Variants in RMST observed in about 807,000 individuals in gnomAD.
The protein encoded by RMST is long intergenic non-protein coding RNA 54.
chr12:97,496,241 T>C (rs368199143), intron 10 of RMST, among the ~76,000 whole-genome samples: 80 of 152,228 alleles, frequency 5.3e-4, no homozygotes, highest in African/African-American at 1.6e-3. Context: ...GGATTAACTA[T>C]GGTGGATTTT....
intron 10 of RMST, among the ~76,000 whole-genome samples, chr12:97,513,069 G>A (rs1161685677): frequency 6.6e-6 from 1 of 152,204 alleles, no homozygotes; most frequent in Non-Finnish European, 1.5e-5. Context: ...CCCGGAACTC[G>A]CGCAGGCCCG....
chr12:97,501,067 T>C (rs1878024169), intron 10 of RMST, among the ~76,000 whole-genome samples: 2 of 152,222 alleles, frequency 1.3e-5, no homozygotes, highest in South Asian at 4.1e-4. Flanking sequence ...ACAAAACTGC[T>C]GGACTCAACA....
In RMST at chr12:97,535,972, TAAA is replaced by T. The variant is rs1404937972; in HGVS notation, n.1545+5115_1545+5117del. ...ATTAGGCTTTTTAAAAAATTGTCTT[TAAA>T]ATGCTTGTGTTTACCTATCTTTCTT... On this transcript the variant is annotated intron_variant and non_coding_transcript_variant, in intron 11 of 13. Coordinates refer to ENST00000640149, the Ensembl canonical transcript of RMST. Among the ~76,000 whole-genome samples the T allele has an allele frequency of 7.4e-4, 112 of 151,736 alleles. No individual in the cohort carries two copies. The South Asian group carries it at 0.022, about 29-fold the overall frequency.
chr12:97,512,365 A>G (rs1213203801), intron 10 of RMST, among the ~76,000 whole-genome samples: 1 of 152,148 alleles, frequency 6.6e-6, no homozygotes, highest in African/African-American at 2.4e-5. Context: ...CACAGCGTGT[A>G]AGGGGACCCG....
intron 11 of RMST, among the ~76,000 whole-genome samples, chr12:97,531,826 T>C (rs1026376952): frequency 2.0e-5 from 3 of 152,018 alleles, no homozygotes; most frequent in African/African-American, 4.8e-5. Context: ...TTTGTGTTAA[T>C]AGCAGTTTTT....
chr12:97,491,887 C>G (rs772738087), intron 5 of RMST: 3 of 523,374 alleles, frequency 5.7e-6, no homozygotes, highest in Non-Finnish European at 1.2e-5. Flanking sequence ...AAACTCCACC[C>G]GAGCGTCCAT....
At chr12:97,479,186 C>A (rs1242254159) in intron 5 of RMST, among the ~76,000 whole-genome samples, 2 of 134,888 alleles carry the variant, frequency 1.5e-5, no homozygotes, top group East Asian at 4.4e-4. Flanking sequence ...CTTGCCCAGC[C>A]TGGAGTGCAG....
At chr12:97,508,722 A>G (rs1878969396) in intron 10 of RMST, among the ~76,000 whole-genome samples, 1 of 152,112 alleles carries the variant, frequency 6.6e-6, no homozygotes. Context: ...GTAGCTTCAG[A>G]GCAGTAGAGG....
intron 10 of RMST, among the ~76,000 whole-genome samples, chr12:97,503,116 A>T (rs533944791): frequency 2.6e-5 from 4 of 152,156 alleles, no homozygotes; most frequent in Non-Finnish European, 5.9e-5. Context: ...TGTCTTTACC[A>T]TATTGATTTC....
chr12:97,509,651 G>A (rs1344303252), intron 10 of RMST, among the ~76,000 whole-genome samples: 1 of 151,968 alleles, frequency 6.6e-6, no homozygotes, highest in African/African-American at 2.4e-5. Flanking sequence ...ACTGAATAAA[G>A]TCAGAATATT....
At chr12:97,504,954 T>C (rs558972767) in intron 10 of RMST, among the ~76,000 whole-genome samples, 61 of 152,344 alleles carry the variant, frequency 4.0e-4, no homozygotes, top group African/African-American at 1.4e-3. Context: ...TAAAAAGGAT[T>C]ATCTTCCTGG....
intron 5 of RMST, among the ~76,000 whole-genome samples, chr12:97,480,326 G>A (rs1461140245): frequency 1.3e-5 from 2 of 152,004 alleles, no homozygotes; most frequent in Admixed American, 6.6e-5. Context: ...TTCTGACCTC[G>A]TGATCTGCCC....
At chr12:97,486,506 C>T (rs937100888) in intron 5 of RMST, among the ~76,000 whole-genome samples, 6 of 152,102 alleles carry the variant, frequency 3.9e-5, no homozygotes, top group African/African-American at 1.4e-4. Context: ...AACATTAGAG[C>T]AGGTTTCAAC....
intron 10 of RMST, among the ~76,000 whole-genome samples, chr12:97,500,704 A>G (rs1219266540): frequency 1.3e-5 from 2 of 152,162 alleles, no homozygotes; most frequent in East Asian, 3.9e-4. Flanking sequence ...CCATTGGGAC[A>G]CAGAGTGTTT....
At chr12:97,484,734 TC>T (rs1875871226) in intron 5 of RMST, among the ~76,000 whole-genome samples, 1 of 152,182 alleles carries the variant, frequency 6.6e-6, no homozygotes, top group Non-Finnish European at 1.5e-5. Context: ...ATATAACTCT[TC>T]CATTGTAAAC....
rs1177946351 is a variant in RMST at position 97,495,930 on chromosome 12, G to A, written n.1215-1G>A. On this transcript the variant is annotated splice_acceptor_variant and non_coding_transcript_variant, in intron 9 of 13. Coordinates refer to ENST00000640149, the Ensembl canonical transcript of RMST. ...CATTTGAAACCTCTATTGTATTCCA[G>A]TTGGCAGTTAAAGAACAGAAACAGC... 2.6e-5 allele frequency: 4 copies of A among 152,038 alleles called. No homozygotes were observed. In the East Asian group the frequency reaches 7.7e-4, roughly 29 times the overall value. The allele number at this position is 152,038 out of a possible 1,614,324, so 9.4% of individuals were successfully genotyped here.
intron 10 of RMST, among the ~76,000 whole-genome samples, chr12:97,524,475 AC>A (rs1880887518): frequency 6.6e-6 from 1 of 152,200 alleles, no homozygotes; most frequent in Non-Finnish European, 1.5e-5. Context: ...GTGATTGGCC[AC>A]CTAATAGTGT....
chr12:97,519,672 C>T (rs1013107915), intron 10 of RMST, among the ~76,000 whole-genome samples: 2 of 152,124 alleles, frequency 1.3e-5, no homozygotes, highest in Non-Finnish European at 1.5e-5. Flanking sequence ...AGAATCGGTT[C>T]TTATCAGTAG....
chr12:97,521,286 G>A (rs899477655), intron 10 of RMST, among the ~76,000 whole-genome samples: 1 of 152,074 alleles, frequency 6.6e-6, no homozygotes, highest in African/African-American at 2.4e-5. Context: ...TGTCAAAGCT[G>A]TCAGAATAAT....
Sources: allele counts gnomAD v4.1 joint callset (sites outside exome capture counted in the v4.1 genomes callset), GRCh38; gene constraint gnomAD v4.1.1; transcripts MANE v1.5; gene names NCBI Gene and HGNC (gene_info 2026-07-23, HGNC 2026-07-21).